The following GHR variants were observed in gnomAD, a reference collection of about 807,000 sequenced individuals.
GHR encodes growth hormone receptor, also known as GH receptor.
A neutral mutation model predicts 67.1 loss-of-function variants in GHR; 35 were observed. The ratio of observed to expected loss-of-function variants is 0.52; its 90% CI spans 0.40 to 0.69. The LOEUF (loss-of-function observed/expected upper bound fraction) is 0.69, where lower values mean the gene tolerates loss of function less well. Ranked by LOEUF, GHR falls within the 30% of genes least tolerant of loss-of-function variation. GHR has a pLI of 0.00. For missense variants in GHR, 792 were observed against 764.6 expected, an observed-to-expected ratio of 1.04 and a Z score of -0.42; for synonymous variants, 272 against 269.1, an observed-to-expected ratio of 1.01 and a Z score of -0.10.
At chr5:42,651,454 G>A (rs1372288810) in intron 3 of GHR, among the ~76,000 whole-genome samples, 1 of 152,160 alleles carries the variant, frequency 6.6e-6, no homozygotes, top group East Asian at 1.9e-4. Flanking sequence ...GAGCAGTCCA[G>A]GGGCCCTACA....
chr5:42,507,333 C>T (rs572026800), intron 1 of GHR, among the ~76,000 whole-genome samples: 1 of 152,318 alleles, frequency 6.6e-6, no homozygotes, highest in Non-Finnish European at 1.5e-5. Flanking sequence ...CCTGATGGGC[C>T]TTTCTGAAGT....
intron 2 of GHR, among the ~76,000 whole-genome samples, chr5:42,602,816 A>G (rs2112639784): frequency 6.6e-6 from 1 of 152,238 alleles, no homozygotes; most frequent in East Asian, 1.9e-4. Context: ...CTAATATCCC[A>G]ATGTACATCT....
At chr5:42,488,105 A>G (rs1249729120) in intron 1 of GHR, among the ~76,000 whole-genome samples, 2 of 152,188 alleles carry the variant, frequency 1.3e-5, no homozygotes, top group East Asian at 3.9e-4. Flanking sequence ...CCTTCAGCCT[A>G]GTTAGCCTGG....
At chr5:42,430,696 T>G (rs946758964) in intron 1 of GHR, among the ~76,000 whole-genome samples, 1 of 151,854 alleles carries the variant, frequency 6.6e-6, no homozygotes, top group African/African-American at 2.4e-5. Context: ...ACACATTTGC[T>G]TTTTTGCTTT....
At position 42,423,560 on chromosome 5, in the gene GHR, G is replaced by C. The variant is rs1313507377; in HGVS notation, c.-407G>C. Among the ~76,000 whole-genome samples, 1 of 152,058 alleles carries C rather than the reference G, an allele frequency of 6.6e-6. No individual in the cohort carries two copies. The highest frequency in any genetic ancestry group is 2.4e-5 in the African/African-American group (1 of 41,400). On this transcript the variant is annotated 5_prime_UTR_variant, in exon 1 of 10. Coordinates refer to ENST00000230882, the MANE Select transcript of GHR (RefSeq NM_000163.5). ...CAGCAGTTCTCGAACTGGCCTCCTTGAACGTCCGCTTCGCCTTCGCTTCTG... is the reference window on the plus strand; with the variant it reads ...CAGCAGTTCTCGAACTGGCCTCCTTCAACGTCCGCTTCGCCTTCGCTTCTG...
At chr5:42,475,792 C>T (rs1745278717) in intron 1 of GHR, among the ~76,000 whole-genome samples, 1 of 152,060 alleles carries the variant, frequency 6.6e-6, no homozygotes, top group Non-Finnish European at 1.5e-5. Flanking sequence ...ATCCCAACAG[C>T]ATTTGACAGT....
At chr5:42,458,952 A>C (rs944195529) in intron 1 of GHR, among the ~76,000 whole-genome samples, 1 of 152,198 alleles carries the variant, frequency 6.6e-6, no homozygotes, top group Non-Finnish European at 1.5e-5. Flanking sequence ...CTCACAAGTC[A>C]GAATGGCTAT....
chr5:42,708,844 C>T (rs1452557686), intron 6 of GHR, among the ~76,000 whole-genome samples: 2 of 152,162 alleles, frequency 1.3e-5, no homozygotes, highest in East Asian at 3.8e-4. Context: ...CTTTTCGTGG[C>T]ACCTCTGCTA....
At chr5:42,709,812 A>C (rs545842460) in intron 6 of GHR, among the ~76,000 whole-genome samples, 1 of 152,264 alleles carries the variant, frequency 6.6e-6, no homozygotes, top group African/African-American at 2.4e-5. Flanking sequence ...GATGAGAAAC[A>C]GTTCCCCGCA....
intron 2 of GHR, among the ~76,000 whole-genome samples, chr5:42,601,710 GT>G (rs1465353116): frequency 6.6e-6 from 1 of 151,928 alleles, no homozygotes; most frequent in Non-Finnish European, 1.5e-5. Context: ...ATAATTTTAT[GT>G]TTATATTAAA....
At chr5:42,668,655 TA>T (rs1198144328) in intron 3 of GHR, among the ~76,000 whole-genome samples, 2 of 152,190 alleles carry the variant, frequency 1.3e-5, no homozygotes, top group Admixed American at 1.3e-4. Context: ...TGTGTATATA[TA>T]AATATTAATA....
chr5:42,431,074 T>C (rs897730692), intron 1 of GHR, among the ~76,000 whole-genome samples: 1 of 152,114 alleles, frequency 6.6e-6, no homozygotes, highest in African/African-American at 2.4e-5. Context: ...CCCTTAGAAT[T>C]CTCTTCAGGG....
intron 1 of GHR, among the ~76,000 whole-genome samples, chr5:42,441,543 C>T (rs1393971636): frequency 5.3e-5 from 8 of 151,838 alleles, no homozygotes; most frequent in Non-Finnish European, 4.4e-5. Flanking sequence ...GGAGTCTCGC[C>T]ATGTCGCCCA....
intron 2 of GHR, among the ~76,000 whole-genome samples, chr5:42,612,405 C>A (rs946050650): frequency 6.6e-6 from 1 of 152,036 alleles, no homozygotes; most frequent in African/African-American, 2.4e-5. Flanking sequence ...GGAAGAAAAT[C>A]TGGCTGAATA....
intron 1 of GHR, among the ~76,000 whole-genome samples, chr5:42,516,163 A>G (rs1038260260): frequency 1.3e-5 from 2 of 152,202 alleles, no homozygotes; most frequent in African/African-American, 4.8e-5. Context: ...CAAAAGTCTC[A>G]AAGCTGGTGT....
At chr5:42,683,185 A>G (rs1032724922) in intron 3 of GHR, among the ~76,000 whole-genome samples, 34 of 152,234 alleles carry the variant, frequency 2.2e-4, no homozygotes, top group Admixed American at 1.0e-3. Flanking sequence ...TATTTTTAGT[A>G]GAGATGGGAT....
chr5:42,430,549 C>G (rs936229170), intron 1 of GHR, among the ~76,000 whole-genome samples: 2 of 151,472 alleles, frequency 1.3e-5, no homozygotes, highest in Non-Finnish European at 2.9e-5. Flanking sequence ...GACCTTTGAT[C>G]AAGACAAGGG....
At position 42,699,927 on chromosome 5, in the gene GHR, A is replaced by G. The variant is rs1401814095; in HGVS notation, c.543A>G (p.Ala181=). 6.3e-7 allele frequency: 1 copy of G among 1,596,784 alleles called. No homozygotes were observed. The highest frequency in any genetic ancestry group is 8.6e-7 in the Non-Finnish European group (1 of 1,164,106). Residue 181 remains alanine, a synonymous_variant, in exon 6 of 10, where the codon GCA becomes GCG. Coordinates refer to ENST00000230882, the MANE Select transcript of GHR (RefSeq NM_000163.5). ...TGAGATGGGAAGCACCACGCAATGC[A>G]GATATTCAGAAAGGATGGATGGTTC... is the stretch of plus-strand genomic sequence containing the variant. ...IQVRWEAPRN[A]DIQKGWMVLE...
At chr5:42,505,323 G>T (rs1014148602) in intron 1 of GHR, among the ~76,000 whole-genome samples, 9 of 151,572 alleles carry the variant, frequency 5.9e-5, no homozygotes, top group African/African-American at 1.9e-4. Flanking sequence ...AATTTTTTGC[G>T]CATTTTGCTG....
Sources: allele counts gnomAD v4.1 joint callset (sites outside exome capture counted in the v4.1 genomes callset), GRCh38; gene constraint gnomAD v4.1.1; transcripts MANE v1.5; gene names NCBI Gene and HGNC (gene_info 2026-07-23, HGNC 2026-07-21).